The following PIGU variants were observed in gnomAD, a reference collection of about 807,000 sequenced individuals.
The protein encoded by PIGU is phosphatidylinositol glycan anchor biosynthesis class U, also known as GPI-anchor transamidase component PIGU.
Under a neutral mutation model 49.9 loss-of-function variants are expected in PIGU, and 24 were observed. That is an observed-to-expected ratio of 0.48 (90% CI 0.35 to 0.68). The LOEUF is 0.68. Among genes scored for constraint, PIGU ranks in the 30% least tolerant of loss-of-function variants. The probability of loss-of-function intolerance (pLI) is 0.01; values close to 1 mark genes in which losing one functional copy is unlikely to be tolerated. For missense variants in PIGU, 490 were observed against 532.6 expected (o/e 0.92, Z 0.79); for synonymous variants, 220 against 205.7 (o/e 1.07, Z -0.59).
chr20:34,668,497 G>A lies in PIGU; in HGVS notation c.130+8459C>T, dbSNP rs973547742. On this transcript the variant is annotated intron_variant, in intron 1 of 11. Transcript: ENST00000217446. ...AAAAAAAAAAAAGGGGGGGGCGGGC[G>A]TGCTGGCTCACACCCGTAATCCCAG... is the stretch of plus-strand genomic sequence containing the variant. 2.9e-4 allele frequency among the ~76,000 whole-genome samples: 40 copies of A among 136,244 alleles called. 1 individual carries two copies. The highest frequency in any genetic ancestry group is 1.0e-3 in the African/African-American group (36 of 35,446). The allele number at this position is 136,244 out of a possible 152,430, so 89.4% of individuals were successfully genotyped here.
intron 7 of PIGU, among the ~76,000 whole-genome samples, chr20:34,596,855 T>C (rs960726791): frequency 6.6e-6 from 1 of 152,208 alleles, no homozygotes; most frequent in African/African-American, 2.4e-5. Context: ...TCAATTGTTA[T>C]TTTCTAAATT....
intron 7 of PIGU, among the ~76,000 whole-genome samples, chr20:34,590,616 CAT>C (rs1983921261): frequency 3.3e-5 from 5 of 151,722 alleles, no homozygotes; most frequent in Non-Finnish European, 7.4e-5. Context: ...CATAACATAA[CAT>C]AACATAACAT....
rs534883932 is a variant in PIGU, at chr20:34,567,990, T to C, written c.1195-7011A>G. ...TCGTCAGGCTGCCCTGTCCTGCCCA[T>C]GTCTTTTCCTTTCTCTCCACAGACC... On this transcript the variant is annotated intron_variant, in intron 11 of 11. Coordinates refer to ENST00000217446, the MANE Select transcript of PIGU (RefSeq NM_080476.5). Among the ~76,000 whole-genome samples the C allele has an allele frequency of 1.8e-4, 28 of 152,322 alleles. No homozygotes were observed. The South Asian group carries it at 2.5e-3, about 14-fold the overall frequency.
intron 6 of PIGU, among the ~76,000 whole-genome samples, chr20:34,623,627 G>C (rs1857211456): frequency 6.6e-6 from 1 of 152,054 alleles, no homozygotes; most frequent in Non-Finnish European, 1.5e-5. Context: ...TGCATCACTG[G>C]GCCACCCTCT....
At chr20:34,594,693 G>A (rs1358123847) in intron 7 of PIGU, among the ~76,000 whole-genome samples, 1 of 152,310 alleles carries the variant, frequency 6.6e-6, no homozygotes, top group Non-Finnish European at 1.5e-5. Flanking sequence ...AGAATCACTT[G>A]AACCCGAGAG....
At chr20:34,616,764 A>G (rs74996931) in intron 6 of PIGU, among the ~76,000 whole-genome samples, 3 of 152,218 alleles carry the variant, frequency 2.0e-5, no homozygotes, top group Non-Finnish European at 4.4e-5. Context: ...AAGTTTATAA[A>G]AGAGACATAT....
intron 7 of PIGU, 98 bp downstream of exon 7, chr20:34,615,944 C>A: frequency 6.9e-7 from 1 of 1,454,130 alleles, no homozygotes; most frequent in South Asian, 1.5e-5. Context: ...AAGCTTCCCA[C>A]TGCCTTTACT....
chr20:34,598,715 C>A (rs1193164044), intron 7 of PIGU, among the ~76,000 whole-genome samples: 5 of 152,186 alleles, frequency 3.3e-5, no homozygotes, highest in Admixed American at 3.3e-4. Context: ...GGTTCTGTTG[C>A]CCTTGGAGTC....
chr20:34,669,168 T>C (rs1176132785), intron 1 of PIGU, among the ~76,000 whole-genome samples: 1 of 152,070 alleles, frequency 6.6e-6, no homozygotes, highest in African/African-American at 2.4e-5. Context: ...ATTATAGGCA[T>C]AGCCACTGTG....
chr20:34,620,039 CGG>C, intron 6 of PIGU, among the ~76,000 whole-genome samples: 1 of 152,180 alleles, frequency 6.6e-6, no homozygotes, highest in Non-Finnish European at 1.5e-5. Context: ...TCCTCCTTAG[CGG>C]TCTCCCAACC....
At chr20:34,670,935 C>T (rs1291195231) in intron 1 of PIGU, among the ~76,000 whole-genome samples, 1 of 152,194 alleles carries the variant, frequency 6.6e-6, no homozygotes, top group East Asian at 1.9e-4. Context: ...TAAGCCTATA[C>T]GAACTGTCAA....
Position 34,581,602 on chromosome 20 carries a change from C to G in PIGU, c.997G>C (p.Gly333Arg), listed in dbSNP as rs1983468883. Reference protein sequence around the residue: ...IAIFKSYPTVGDVALYMAFFP... With the variant: ...IAIFKSYPTVRDVALYMAFFP... ...AAGGCCATGTAGAGCGCCACGTCCCCCACTGTCGGGTAGGACTTAAAGATG... is the reference window on the plus strand; with the variant it reads ...AAGGCCATGTAGAGCGCCACGTCCCGCACTGTCGGGTAGGACTTAAAGATG... The change falls in exon 10 of 12, where the codon GGG (glycine) becomes CGG (arginine). Residue 333 changes from glycine to arginine, a missense_variant. Physicochemically the swap from Gly to Arg is moderately radical, Grantham distance 125 (BLOSUM62 -2). Coordinates refer to ENST00000217446, the MANE Select transcript of PIGU (RefSeq NM_080476.5). The G allele has an allele frequency of 6.2e-7, 1 of 1,614,022 alleles. No homozygotes were observed. The highest frequency in any genetic ancestry group is 1.1e-5 in the South Asian group (1 of 91,052).
intron 2 of PIGU, among the ~76,000 whole-genome samples, chr20:34,650,761 G>A (rs1400820603): frequency 8.6e-5 from 8 of 92,714 alleles, no homozygotes; most frequent in Admixed American, 1.7e-4. Context: ...TCATCCAGTC[G>A]GGAATGCGGT....
At chr20:34,585,906 G>A (rs1211191385) in intron 8 of PIGU, among the ~76,000 whole-genome samples, 1 of 152,202 alleles carries the variant, frequency 6.6e-6, no homozygotes, top group Non-Finnish European at 1.5e-5. Flanking sequence ...ACCCAGTACT[G>A]TAACAAATGA....
At chr20:34,663,493 A>T (rs1986990228) in intron 1 of PIGU, among the ~76,000 whole-genome samples, 2 of 152,050 alleles carry the variant, frequency 1.3e-5, no homozygotes, top group Non-Finnish European at 2.9e-5. Context: ...ACAAAAACAG[A>T]AAGAAAAGAA....
intron 4 of PIGU, chr20:34,643,819 A>C (rs2146769981): frequency 6.4e-6 from 1 of 157,144 alleles, no homozygotes; most frequent in Middle Eastern, 3.2e-3. Context: ...AAAAAAAAAA[A>C]AAAGACTGGT....
intron 1 of PIGU, among the ~76,000 whole-genome samples, chr20:34,664,788 G>A (rs570974151): frequency 5.9e-5 from 9 of 152,082 alleles, no homozygotes; most frequent in South Asian, 2.1e-4. Flanking sequence ...TCAGGAATTC[G>A]AGACTGGCCT....
rs531799886 is a variant in PIGU, at chr20:34,600,570, A to G, written c.628-11963T>C. 3.3e-5 allele frequency among the ~76,000 whole-genome samples: 5 copies of G among 152,096 alleles called. No homozygotes were observed. In the East Asian group the frequency reaches 9.6e-4, roughly 29 times the overall value. ...GAAAAAGACTGCCATTTAGCAAAGAAGGGAGGAAGAAAAAAAAGAGGAAGA... is the reference window on the plus strand; with the variant it reads ...GAAAAAGACTGCCATTTAGCAAAGAGGGGAGGAAGAAAAAAAAGAGGAAGA... On this transcript the variant is annotated intron_variant, in intron 7 of 11. Transcript: ENST00000217446.
At chr20:34,563,060 C>T (rs1982593651) in intron 11 of PIGU, among the ~76,000 whole-genome samples, 1 of 152,070 alleles carries the variant, frequency 6.6e-6, no homozygotes, top group Admixed American at 6.5e-5. Flanking sequence ...TTAGGTTGGA[C>T]CATATGAAAT....
Sources: allele counts gnomAD v4.1 joint callset (sites outside exome capture counted in the v4.1 genomes callset), GRCh38; gene constraint gnomAD v4.1.1; transcripts MANE v1.5; gene names NCBI Gene and HGNC (gene_info 2026-07-23, HGNC 2026-07-21).